Variants in SEC24A observed in about 807,000 individuals in gnomAD.
SEC24A encodes SEC24 homolog A, COPII component, also known as protein transport protein Sec24A.
Under a neutral mutation model 129.4 loss-of-function variants are expected in SEC24A, and 93 were observed. The observed-to-expected ratio is 0.72, with a 90% confidence interval of 0.61 to 0.85. SEC24A has a LOEUF of 0.85. SEC24A is among the 40% of genes least tolerant of loss of function. SEC24A has a pLI of 0.00. For missense variants in SEC24A, 1,264 were observed against 1,307.4 expected (o/e 0.97, Z 0.51); for synonymous variants, 460 against 467.3 (o/e 0.98, Z 0.20).
chr5:134,652,299 T>G (rs1750083961), intron 1 of SEC24A, among the ~76,000 whole-genome samples: 1 of 152,068 alleles, frequency 6.6e-6, no homozygotes, highest in Non-Finnish European at 1.5e-5. Context: ...TGCTTTTGTT[T>G]TTTGTTTTTG....
intron 1 of SEC24A, among the ~76,000 whole-genome samples, chr5:134,654,156 C>T (rs1750159542): frequency 1.3e-5 from 2 of 151,242 alleles, no homozygotes; most frequent in Non-Finnish European, 2.9e-5. Context: ...GAGAACCTGT[C>T]ACAAAAATAA....
intron 15 of SEC24A, 99 bp from the exon 16 acceptor site, chr5:134,703,660 T>C (rs748429799): frequency 2.5e-5 from 19 of 768,316 alleles, no homozygotes; most frequent in Non-Finnish European, 4.2e-5. Context: ...ATTATCTAGA[T>C]TTCTTTACTT....
intron 14 of SEC24A, among the ~76,000 whole-genome samples, chr5:134,697,477 G>T (rs574819814): frequency 7.2e-5 from 11 of 152,144 alleles, no homozygotes; most frequent in Non-Finnish European, 1.2e-4. Context: ...GATGGCTCAT[G>T]CCTGTAATCC....
intron 10 of SEC24A, among the ~76,000 whole-genome samples, chr5:134,687,860 C>G (rs1030221585): frequency 3.9e-5 from 6 of 152,096 alleles, no homozygotes; most frequent in African/African-American, 4.8e-5. Context: ...TTAAAATCAT[C>G]TGCAAAATTT....
intron 1 of SEC24A, among the ~76,000 whole-genome samples, chr5:134,653,620 T>C (rs1270760873): frequency 6.6e-6 from 1 of 152,084 alleles, no homozygotes; most frequent in African/African-American, 2.4e-5. Context: ...ATGTCAGCAC[T>C]TTGGGAGGCC....
intron 15 of SEC24A, among the ~76,000 whole-genome samples, chr5:134,701,701 G>T (rs1324182967): frequency 6.6e-6 from 1 of 151,798 alleles, no homozygotes; most frequent in Non-Finnish European, 1.5e-5. Flanking sequence ...AGTAGAGACG[G>T]AGTTTCACCA....
In SEC24A at chr5:134,704,139, T is replaced by C. The variant is rs181293548; in HGVS notation, c.2440+207T>C. Reference sequence around the variant, plus strand: ...GGCTGGAGTGCAGTGGCGCAGTCTCTGCTCACTGCAACCTCTGCCTCCTGG... The same window carrying C: ...GGCTGGAGTGCAGTGGCGCAGTCTCCGCTCACTGCAACCTCTGCCTCCTGG... On this transcript the variant is annotated intron_variant, in intron 16 of 22. Transcript: ENST00000398844. Among the ~76,000 whole-genome samples, 489 of 152,140 alleles carry C rather than the reference T, an allele frequency of 3.2e-3. 3 individuals are homozygous for C. The highest frequency in any genetic ancestry group is 0.011 in the African/African-American group (467 of 41,516).
At chr5:134,692,515 G>T in intron 11 of SEC24A, 87 bp from the exon 12 acceptor site, 1 of 676,214 alleles carries the variant, frequency 1.5e-6, no homozygotes. Context: ...TTAAGGAAGG[G>T]GGTGGTTAAT....
intron 16 of SEC24A, among the ~76,000 whole-genome samples, chr5:134,704,604 C>A (rs1752097876): frequency 6.6e-6 from 1 of 151,786 alleles, no homozygotes; most frequent in Admixed American, 6.6e-5. Flanking sequence ...AGTTCAAGAC[C>A]AGCCTGGACA....
rs908487064 is a variant in SEC24A at position 134,721,198 on chromosome 5, T to A, written c.3063+108T>A. On this transcript the variant is annotated intron_variant, in intron 21 of 22. Transcript: ENST00000398844. ...AATAATAACAAAATCATACCAAAAA[T>A]TTTTATTGATGGGTTTTCATGTTGA... The A allele has an allele frequency of 1.4e-4, 94 of 654,468 alleles. 1 individual carries two copies. The highest frequency in any genetic ancestry group is 4.1e-4 in the Middle Eastern group (1 of 2,412). The allele number at this position is 654,468 out of a possible 1,614,324, so 40.5% of individuals were successfully genotyped here.
chr5:134,684,648 G>A (rs1751387702), intron 9 of SEC24A, among the ~76,000 whole-genome samples: 1 of 152,158 alleles, frequency 6.6e-6, no homozygotes, highest in South Asian at 2.1e-4. Flanking sequence ...GGGAGGCAGA[G>A]GTTGCAGTGA....
At chr5:134,685,464 A>G (rs1465698845) in intron 9 of SEC24A, among the ~76,000 whole-genome samples, 1 of 152,148 alleles carries the variant, frequency 6.6e-6, no homozygotes, top group Non-Finnish European at 1.5e-5. Context: ...AAATCTAGAG[A>G]TGATTTAAAG....
intron 17 of SEC24A, 50 bp downstream of exon 17, chr5:134,705,487 ACATCC>A: frequency 2.5e-6 from 3 of 1,188,738 alleles, no homozygotes; most frequent in Non-Finnish European, 3.7e-6. Context: ...AACATTAGGC[ACATCC>A]AAACAGTTTT....
intron 1 of SEC24A, among the ~76,000 whole-genome samples, chr5:134,653,052 G>A (rs551369433): frequency 4.0e-5 from 6 of 150,916 alleles, no homozygotes; most frequent in South Asian, 2.1e-4. Context: ...TGATCTGCCC[G>A]CCTCTGCCTC....
Position 134,676,086 on chromosome 5 carries a change from TC to T in SEC24A, c.1217del (p.Pro406LeufsTer12). The T allele has an allele frequency of 6.2e-7, 1 of 1,613,222 alleles. No homozygotes were observed. Among genetic ancestry groups the T allele is most frequent in the Non-Finnish European group, 8.5e-7 (1 of 1,179,540 alleles). ...AGGCCTTATTGAATAAAGCCAAACT[TC>T]CTTTGGGGCTGCTGCTTCATCCTTT... ...TQALLNKAKLPLGLLLHPFKD... is the reference protein window; with the variant it reads ...TQALLNKAKLXLGLLLHPFKD... On this transcript the variant is annotated frameshift_variant, in exon 7 of 23. Transcript: ENST00000398844. LOFTEE classifies it high-confidence loss of function.
chr5:134,703,063 C>A (rs1752051318), intron 15 of SEC24A, among the ~76,000 whole-genome samples: 1 of 152,052 alleles, frequency 6.6e-6, no homozygotes, highest in African/African-American at 2.4e-5. Flanking sequence ...TTGTGCCTGG[C>A]CTAGTTTTTC....
At chr5:134,705,157 A>G (rs1421873771) in intron 16 of SEC24A, among the ~76,000 whole-genome samples, 170 bp from the exon 17 acceptor site, 1 of 148,364 alleles carries the variant, frequency 6.7e-6, no homozygotes, top group East Asian at 2.0e-4. Flanking sequence ...CCCAGGCTGC[A>G]CTTAAACTCC....
intron 18 of SEC24A, among the ~76,000 whole-genome samples, chr5:134,709,540 C>T (rs1222753095): frequency 2.0e-5 from 3 of 152,112 alleles, no homozygotes; most frequent in African/African-American, 4.8e-5. Context: ...TGTGTGTTCT[C>T]ACTTATATGT....
Position 134,724,990 on chromosome 5 carries a change from C to A in SEC24A, c.3178C>A (p.Pro1060Thr), listed in dbSNP as rs768014661. Residue 1060 changes from proline to threonine, a missense_variant, in exon 23 of 23, where the codon CCA becomes ACA. Physicochemically the swap from Pro to Thr is conservative, Grantham distance 38. Coordinates refer to ENST00000398844, the MANE Select transcript of SEC24A (RefSeq NM_021982.3). Reference sequence around the variant, plus strand: ...CCTTTTATTCCTAAGGGATGAGAGTCCAATGAAAGCAAACTTCCTTCAAAA... The same window carrying A: ...CCTTTTATTCCTAAGGGATGAGAGTACAATGAAAGCAAACTTCCTTCAAAA... ...PILYVIRDES[P>T]MKANFLQNMI... 1.3e-6 allele frequency: 2 copies of A among 1,593,154 alleles called. No homozygotes were observed. Among genetic ancestry groups the A allele is most frequent in the Non-Finnish European group, 1.7e-6 (2 of 1,162,534 alleles).
Sources: gnomAD v4.1 joint callset for allele counts (sites outside exome capture counted in the v4.1 genomes callset) on GRCh38, gnomAD v4.1.1 for gene constraint, MANE v1.5 for transcripts, NCBI Gene and HGNC (gene_info 2026-07-23, HGNC 2026-07-21) for gene names.